Variants in SPON2 observed in about 807,000 individuals in gnomAD.
SPON2 encodes spondin-2.
SPON2 carries 32 observed loss-of-function variants against 29.9 expected under a neutral mutation model. The observed-to-expected ratio is 1.07, with a 90% confidence interval of 0.81 to 1.44. The LOEUF (loss-of-function observed/expected upper bound fraction) is 1.44. SPON2 is among the 40% of genes most tolerant of loss of function. The pLI, the probability that SPON2 is intolerant of heterozygous loss-of-function variation, is 0.00. For synonymous variants in SPON2, 248 were observed against 209.1 expected (o/e 1.19, Z -1.61); for missense variants, 541 against 455.5 (o/e 1.19, Z -1.71).
upstream of SPON2, among the ~76,000 whole-genome samples, chr4:1,176,478 A>G (rs151157520): frequency 6.6e-6 from 1 of 152,154 alleles, no homozygotes; most frequent in South Asian, 2.1e-4. Flanking sequence ...TCATTCATCC[A>G]TTCACACAGT....
At position 1,170,554 on chromosome 4, in the gene SPON2, TG is replaced by T; in HGVS notation, c.658del (p.His220ThrfsTer11). 2 of 1,613,308 alleles carry T rather than the reference TG, an allele frequency of 1.2e-6. No individual in the cohort carries two copies. Among genetic ancestry groups the T allele is most frequent in the South Asian group, 2.2e-5 (2 of 91,060 alleles). ...CGGGTAGTAGAAGGAGTTGGCCGGG[TG>T]GCTGGGAGAGGAGGACGTTATCTGG... ...VTEITSSSPS[H>X]PANSFYYPRL... On this transcript the variant is annotated frameshift_variant, in exon 5 of 6. Coordinates refer to ENST00000290902, the MANE Select transcript of SPON2 (RefSeq NM_012445.4). LOFTEE classifies it high-confidence loss of function.
upstream of SPON2, among the ~76,000 whole-genome samples, chr4:1,176,195 C>G (rs1272478828): frequency 6.6e-5 from 10 of 151,950 alleles, no homozygotes; most frequent in Non-Finnish European, 1.5e-5. Flanking sequence ...TTGCTGGAAA[C>G]CCCCCTGGCT....
chr4:1,169,977 G>A (rs1160946352), intron 5 of SPON2: 5 of 189,398 alleles, frequency 2.6e-5, no homozygotes, highest in Non-Finnish European at 5.3e-5. Flanking sequence ...CAAGGCGCCT[G>A]TGAGCAGAGC....
intron 1 of SPON2, among the ~76,000 whole-genome samples, chr4:1,185,997 C>T (rs1451607160): frequency 5.3e-5 from 8 of 151,678 alleles, no homozygotes; most frequent in Non-Finnish European, 8.8e-5. Flanking sequence ...GTAATCCCAG[C>T]ACTTTGGGAG....
chr4:1,170,487 C>A lies in SPON2; in HGVS notation c.726G>T (p.Val242=). 6.2e-7 allele frequency: 1 copy of A among 1,614,044 alleles called. No individual in the cohort carries two copies. The highest frequency in any genetic ancestry group is 8.5e-7 in the Non-Finnish European group (1 of 1,179,958). The change falls in exon 5 of 6, where the codon GTG becomes GTT. Residue 242 remains valine (V), a synonymous_variant. Transcript: ENST00000290902. ...ALPPIARVTL[V]RLRQSPRAFI... ...AGGCCCTGGGGCTCTGTCGCAGCCG[C>A]ACCAGTGTCACCCTGGCGATGGGAG...
upstream of SPON2, among the ~76,000 whole-genome samples, chr4:1,198,468 T>A (rs1728121316): frequency 6.6e-6 from 1 of 152,028 alleles, no homozygotes; most frequent in Non-Finnish European, 1.5e-5. Context: ...ATAATCTAAT[T>A]CAAAAACCTG....
At chr4:1,179,010 G>A (rs1727658670) in intron 2 of SPON2, among the ~76,000 whole-genome samples, 1 of 152,180 alleles carries the variant, frequency 6.6e-6, no homozygotes, top group African/African-American at 2.4e-5. Context: ...CCTGAATCAG[G>A]TCAGGGAATC....
At chr4:1,207,150 G>A (rs578206206) in intron 1 of SPON2, among the ~76,000 whole-genome samples, 2 of 152,078 alleles carry the variant, frequency 1.3e-5, no homozygotes, top group Non-Finnish European at 1.5e-5. Flanking sequence ...GACCTGGGAC[G>A]CCAGGGCTGC....
chr4:1,207,805 G>C (rs1253780157), intron 1 of SPON2: 1 of 154,290 alleles, frequency 6.5e-6, no homozygotes, highest in East Asian at 1.9e-4. Context: ...TGGCCCGTTT[G>C]AAGGTCGGGT....
intron 1 of SPON2, among the ~76,000 whole-genome samples, chr4:1,193,407 GC>G (rs5855695): frequency 0.026 from 3,885 of 151,008 alleles, 62 homozygotes; most frequent in Non-Finnish European, 0.039. Flanking sequence ...TCTCTCCAGA[GC>G]CCCCCCAGTC....
At chr4:1,186,231 G>C (rs936008469) in intron 1 of SPON2, among the ~76,000 whole-genome samples, 2 of 144,768 alleles carry the variant, frequency 1.4e-5, no homozygotes, top group African/African-American at 5.2e-5. Context: ...GTGACAGAGC[G>C]AGACTCCGTC....
At chr4:1,200,693 A>T (rs146796517) in intron 1 of SPON2, 1 of 407,034 alleles carries the variant, frequency 2.5e-6, no homozygotes, top group Non-Finnish European at 5.0e-6. Flanking sequence ...CGACCCTCAC[A>T]ACTCTCCCAT....
Position 1,167,397 on chromosome 4 carries a change from T to C in SPON2, c.*75A>G, listed in dbSNP as rs965482230. 5 of 1,468,534 alleles carry C rather than the reference T, an allele frequency of 3.4e-6. No individual in the cohort carries two copies. The African/African-American group carries it at 7.0e-5, about 21-fold the overall frequency. The allele number at this position is 1,468,534 out of a possible 1,614,324, so 91.0% of individuals were successfully genotyped here. The stretch of plus-strand genomic sequence containing the variant: ...GAAACCCCCTGTGCCCTCGGCCGCC[T>C]GCAGCATGAGCCTGCACAGGAGCCC... On this transcript the variant is annotated 3_prime_UTR_variant, in exon 6 of 6. Transcript: ENST00000290902.
upstream of SPON2, among the ~76,000 whole-genome samples, chr4:1,175,096 G>A (rs1179010722): frequency 2.0e-5 from 3 of 152,236 alleles, no homozygotes; most frequent in Non-Finnish European, 2.9e-5. Flanking sequence ...TTCCCAGAGC[G>A]GCATGGGGCG....
chr4:1,182,084 C>T (rs749849632), intron 1 of SPON2, among the ~76,000 whole-genome samples: 8 of 152,036 alleles, frequency 5.3e-5, no homozygotes, highest in Non-Finnish European at 1.2e-4. Flanking sequence ...ACAACAACAA[C>T]AAAATGTAAC....
At chr4:1,184,454 G>A (rs1053405576) in intron 1 of SPON2, among the ~76,000 whole-genome samples, 1 of 152,130 alleles carries the variant, frequency 6.6e-6, no homozygotes, top group East Asian at 1.9e-4. Flanking sequence ...AACCGAAAGA[G>A]AGCAGCAGAA....
rs1727295841 is a variant in SPON2 at position 1,167,800 on chromosome 4, CAG to C, written c.812-146_812-145del. ...GCACTTGCGTTTCTCCGCACAGTCG[CAG>C]AGTGAGCGGCAAGATGGGATGGCAC... On this transcript the variant is annotated intron_variant, in intron 5 of 5. Transcript: ENST00000290902. 6.1e-6 allele frequency: 5 copies of C among 813,776 alleles called. 1 individual carries two copies. Among genetic ancestry groups the C allele is most frequent in the South Asian group, 4.3e-5 (2 of 46,664 alleles). The allele number at this position is 813,776 out of a possible 1,614,324, so 50.4% of individuals were successfully genotyped here.
At position 1,202,280 on chromosome 4, in the gene SPON2, C is replaced by A. The variant is rs1259317488; in HGVS notation, c.-234+5600G>T. 2.6e-5 allele frequency among the ~76,000 whole-genome samples: 4 copies of A among 152,182 alleles called. No homozygotes were observed. Among genetic ancestry groups the A allele is most frequent in the African/African-American group, 9.7e-5 (4 of 41,440 alleles). On this transcript the variant is annotated intron_variant, in intron 1 of 3. Coordinates refer to the SPON2 transcript ENST00000509233. The surrounding 1 kb of genome is among the most constrained non-coding windows in gnomAD (Gnocchi z 5.4). Reference sequence around the variant, plus strand: ...GCCCCACAAGCCCTTTTCATGGTGGCTTTAGTCACAAGGGCTCTGCCTCGT... The same window carrying A: ...GCCCCACAAGCCCTTTTCATGGTGGATTTAGTCACAAGGGCTCTGCCTCGT...
intron 1 of SPON2, among the ~76,000 whole-genome samples, chr4:1,181,690 G>T (rs112686949): frequency 2.0e-4 from 30 of 152,316 alleles, no homozygotes; most frequent in Admixed American, 1.1e-3. Context: ...ACCAGCCCCA[G>T]CGCAGACAGT....
Sources: gnomAD v4.1 joint callset for allele counts (sites outside exome capture counted in the v4.1 genomes callset) on GRCh38, gnomAD v4.1.1 for gene constraint, Gnocchi (gnomAD v3.1) non-coding constraint, MANE v1.5 for transcripts, NCBI Gene and HGNC (gene_info 2026-07-23, HGNC 2026-07-21) for gene names.